Variants in CCDC14 observed in about 807,000 individuals in gnomAD.
CCDC14 encodes the protein coiled-coil domain-containing protein 14.
In CCDC14, 71 loss-of-function variants were observed where a neutral mutation model predicts 81.4. The ratio of observed to expected loss-of-function variants is 0.87; its 90% confidence interval spans 0.72 to 1.06. The LOEUF is 1.06. CCDC14 is among the 50% of genes least tolerant of loss of function. The probability of loss-of-function intolerance (pLI) is 0.00; values close to 1 mark genes in which losing one functional copy is unlikely to be tolerated. For synonymous variants in CCDC14, 332 were observed against 364.8 expected, an observed-to-expected ratio of 0.91 and a Z score of 1.03; for missense variants, 1,046 against 1,047.3, an observed-to-expected ratio of 1.00 and a Z score of 0.02.
At chr3:123,959,331 G>T (rs907275948) in intron 1 of CCDC14, among the ~76,000 whole-genome samples, 1 of 152,140 alleles carries the variant, frequency 6.6e-6, no homozygotes, top group Non-Finnish European at 1.5e-5. Context: ...CATCCTAACA[G>T]GGGTTAGGTG....
chr3:123,950,363 T>C (rs2036932853), intron 5 of CCDC14, among the ~76,000 whole-genome samples: 1 of 152,206 alleles, frequency 6.6e-6, no homozygotes, highest in Non-Finnish European at 1.5e-5. Flanking sequence ...TGATTTGCAG[T>C]AGCCCAAAGC....
At chr3:123,956,322 A>G in intron 3 of CCDC14, 33 bp downstream of exon 3, 1 of 1,432,520 alleles carries the variant, frequency 7.0e-7, no homozygotes, top group Admixed American at 2.4e-5. Context: ...AAAACTAATT[A>G]AAATAGTGTG....
the CCDC14 span, among the ~76,000 whole-genome samples, chr3:123,891,988 T>C: frequency 0.012 from 1,806 of 151,156 alleles, 43 homozygotes; most frequent in African/African-American, 0.043. Context: ...ACATCTTACA[T>C]GGATGGCCGC....
chr3:123,939,345 C>T (rs1431468021), intron 9 of CCDC14, among the ~76,000 whole-genome samples: 4 of 151,414 alleles, frequency 2.6e-5, no homozygotes, highest in African/African-American at 7.3e-5. Context: ...CTTTTTTCAT[C>T]CTTAGGGTGT....
intron 9 of CCDC14, among the ~76,000 whole-genome samples, 194 bp from the exon 10 acceptor site, chr3:123,933,949 ATTT>A (rs1308266462): frequency 1.3e-5 from 2 of 152,130 alleles, no homozygotes; most frequent in Non-Finnish European, 2.9e-5. Flanking sequence ...GCCTGAGATA[ATTT>A]TTAAGGTTGC....
chr3:123,920,232 T>A (rs538468441), intron 12 of CCDC14, among the ~76,000 whole-genome samples: 1 of 151,570 alleles, frequency 6.6e-6, no homozygotes, highest in South Asian at 2.1e-4. Flanking sequence ...AAATCAAGAA[T>A]GAAAAAGAAT....
chr3:123,915,018 C>G lies in CCDC14; in HGVS notation c.2479G>C (p.Glu827Gln), dbSNP rs188907323. 6.2e-7 allele frequency: 1 copy of G among 1,614,044 alleles called. No homozygotes were observed. The highest frequency in any genetic ancestry group is 1.7e-5 in the Admixed American group (1 of 60,028). ...GGGCCATGACATGCAGTTTGTTCCTCTGGCTCCTTGGTGGCAGCAGGGATC... is the reference window on the plus strand; with the variant it reads ...GGGCCATGACATGCAGTTTGTTCCTGTGGCTCCTTGGTGGCAGCAGGGATC... ...GKIPAATKEP[E>Q]EQTACHGPSG... The change falls in exon 13 of 13, where the codon GAG becomes CAG. Residue 827 changes from glutamate to glutamine, a missense_variant. By Grantham distance (29) the Glu-to-Gln change is conservative. Transcript: ENST00000409697.
chr3:123,955,900 A>T lies in CCDC14; in HGVS notation c.295T>A (p.Ser99Thr), dbSNP rs1358529339. 1.3e-6 allele frequency: 2 copies of T among 1,537,860 alleles called. No homozygotes were observed. Among genetic ancestry groups the T allele is most frequent in the East Asian group, 2.5e-5 (1 of 40,716 alleles). Residue 99 changes from serine (S) to threonine (T), a missense_variant, in exon 5 of 13, where the codon TCA (serine) becomes ACA (threonine). Coordinates refer to ENST00000409697, the MANE Select transcript of CCDC14 (RefSeq NM_001366335.1). Reference protein sequence around the residue: ...SRPLESKRYGSKKKRHEKHTI... With the variant: ...SRPLESKRYGTKKKRHEKHTI... ...TGTTTTTCATGTCTTTTCTTTTTTGATCCGTATCTTTTGCTTTCTAAAGGT... is the reference window on the plus strand; with the variant it reads ...TGTTTTTCATGTCTTTTCTTTTTTGTTCCGTATCTTTTGCTTTCTAAAGGT...
the CCDC14 span, among the ~76,000 whole-genome samples, chr3:123,886,994 A>C: frequency 1.3e-4 from 20 of 152,334 alleles, no homozygotes; most frequent in Non-Finnish European, 2.4e-4. Context: ...TGAAATTAGA[A>C]TATCCCAATT....
intron 12 of CCDC14, among the ~76,000 whole-genome samples, chr3:123,924,842 T>C (rs1316109574): frequency 1.3e-5 from 2 of 152,016 alleles, no homozygotes; most frequent in Non-Finnish European, 2.9e-5. Flanking sequence ...GGAAACAGTA[T>C]GGAAGCTCCT....
At chr3:123,923,741 ATATAT>A in intron 12 of CCDC14, among the ~76,000 whole-genome samples, 1 of 150,662 alleles carries the variant, frequency 6.6e-6, no homozygotes, top group South Asian at 2.1e-4. Context: ...AAATATATAC[ATATAT>A]TATTAGTATA....
At chr3:123,890,680 G>A in the CCDC14 span, among the ~76,000 whole-genome samples, 1 of 152,178 alleles carries the variant, frequency 6.6e-6, no homozygotes, top group African/African-American at 2.4e-5. Flanking sequence ...TGGCTTTGCA[G>A]GATGTAGCCT....
In CCDC14 at chr3:123,938,158, A is replaced by C. The variant is rs943428926; in HGVS notation, c.1344-4403T>G. ...GTAAACTTTAGAATCAGCTTCAATT[A>C]AATATTTTTAAAAAGCATGCTTGGG... On this transcript the variant is annotated intron_variant, in intron 9 of 12. Transcript: ENST00000409697. Among the ~76,000 whole-genome samples, 5 of 151,964 alleles carry C rather than the reference A, an allele frequency of 3.3e-5. No homozygotes were observed. The East Asian group carries it at 7.7e-4, about 23-fold the overall frequency.
chr3:123,934,630 A>G (rs529028478), intron 9 of CCDC14, among the ~76,000 whole-genome samples: 5 of 152,216 alleles, frequency 3.3e-5, no homozygotes, highest in Non-Finnish European at 7.3e-5. Flanking sequence ...TGTTACAATG[A>G]ACTTCACAAT....
At chr3:123,918,762 G>A (rs1305109098) in intron 12 of CCDC14, among the ~76,000 whole-genome samples, 1 of 152,030 alleles carries the variant, frequency 6.6e-6, no homozygotes, top group African/African-American at 2.4e-5. Flanking sequence ...TGGGGTTAGC[G>A]GAAAACAAAA....
chr3:123,940,276 A>C (rs1225965427), intron 9 of CCDC14, among the ~76,000 whole-genome samples: 1 of 151,190 alleles, frequency 6.6e-6, no homozygotes, highest in Non-Finnish European at 1.5e-5. Context: ...CATTTTTGTA[A>C]TTTTTTTGCT....
intron 5 of CCDC14, among the ~76,000 whole-genome samples, chr3:123,903,150 T>G (rs966818370): frequency 6.6e-6 from 1 of 152,160 alleles, no homozygotes; most frequent in Non-Finnish European, 1.5e-5. Flanking sequence ...GGAACTTGCT[T>G]TAAAACAAAA....
chr3:123,909,405 G>A (rs2034392005), downstream of CCDC14, among the ~76,000 whole-genome samples: 1 of 152,090 alleles, frequency 6.6e-6, no homozygotes, highest in African/African-American at 2.4e-5. Context: ...CTGGGGTCCT[G>A]GAAATGTCAG....
chr3:123,901,273 A>T (rs1186602521), intron 5 of CCDC14, among the ~76,000 whole-genome samples: 1 of 152,030 alleles, frequency 6.6e-6, no homozygotes, highest in Non-Finnish European at 1.5e-5. Context: ...CAGAGTACAC[A>T]GGGGGGCTTA....
Sources: gnomAD v4.1 joint callset for allele counts (sites outside exome capture counted in the v4.1 genomes callset) on GRCh38, gnomAD v4.1.1 for gene constraint, MANE v1.5 for transcripts, NCBI Gene and HGNC (gene_info 2026-07-23, HGNC 2026-07-21) for gene names.